FBXW11: variants seen among roughly 807,000 people sequenced by gnomAD.
FBXW11 encodes the protein F-box and WD repeat domain containing 11.
FBXW11 carries 19 observed loss-of-function variants against 77.6 expected under a neutral mutation model. That is an observed-to-expected ratio of 0.24 (90% CI 0.17 to 0.36). The LOEUF (loss-of-function observed/expected upper bound fraction) is 0.36. Among genes scored for constraint, FBXW11 ranks in the 10% least tolerant of loss-of-function variants. The pLI is 1.00. For missense variants in FBXW11, 334 were observed against 704.2 expected (o/e 0.47, Z 5.95); for synonymous variants, 235 against 249.4 (o/e 0.94, Z 0.54).
rs1757139543 is a variant in FBXW11, at chr5:171,862,300, T to A, written c.*1827A>T. On this transcript the variant is annotated 3_prime_UTR_variant, in exon 14 of 14. Coordinates refer to ENST00000517395, the MANE Select transcript of FBXW11 (RefSeq NM_001378974.1). ...CAACCTCTCAAAAACATAAATTAAT[T>A]TAGTAACATGGGAAGGAAGGATTTT... 1 of 152,512 alleles carries A rather than the reference T, an allele frequency of 6.6e-6. No individual in the cohort carries two copies. Among genetic ancestry groups the A allele is most frequent in the South Asian group, 2.1e-4 (1 of 4,814 alleles). The allele number at this position is 152,512 out of a possible 1,614,324, so 9.4% of individuals were successfully genotyped here. A position where few individuals can be genotyped will look rare whatever the true frequency, so the allele number is the denominator to read the frequency against.
At chr5:171,882,802 AT>A (rs1758610416) in intron 7 of FBXW11, among the ~76,000 whole-genome samples, 1 of 148,478 alleles carries the variant, frequency 6.7e-6, no homozygotes, top group Admixed American at 6.7e-5. Flanking sequence ...TTATTTTTTT[AT>A]TTTTCCATAA....
At chr5:171,972,419 T>A (rs1764584087) in intron 1 of FBXW11, among the ~76,000 whole-genome samples, 1 of 142,544 alleles carries the variant, frequency 7.0e-6, no homozygotes. Context: ...GAGGATCGCT[T>A]GAGCCCCGGA....
chr5:171,926,651 C>A lies in FBXW11; in HGVS notation c.148-12246G>T, dbSNP rs548520562. Among the ~76,000 whole-genome samples, 9 of 152,006 alleles carry A rather than the reference C, an allele frequency of 5.9e-5. No individual in the cohort carries two copies. The East Asian group carries it at 1.5e-3, about 26-fold the overall frequency. On this transcript the variant is annotated intron_variant, in intron 2 of 13. Coordinates refer to ENST00000517395, the MANE Select transcript of FBXW11 (RefSeq NM_001378974.1). ...TCTGCCATAATTGAAGCCAAGCAGA[C>A]GCTGCCATGCTTCCTATATAGCCTG...
At chr5:171,998,312 C>T (rs1193635895) in intron 1 of FBXW11, among the ~76,000 whole-genome samples, 2 of 138,606 alleles carry the variant, frequency 1.4e-5, no homozygotes, top group African/African-American at 6.1e-5. Context: ...TGCAATTCTA[C>T]AGCCCATGAT....
At chr5:171,967,883 T>TATATATATATATACAC (rs1244744249) in intron 1 of FBXW11, among the ~76,000 whole-genome samples, 2 of 74,972 alleles carry the variant, frequency 2.7e-5, no homozygotes, top group Admixed American at 1.4e-4. Flanking sequence ...TATATATATA[T>TATATATATATATACAC]ACACACACAC....
intron 10 of FBXW11, among the ~76,000 whole-genome samples, chr5:171,871,187 C>T (rs1581123175): frequency 6.6e-6 from 1 of 152,286 alleles, no homozygotes; most frequent in South Asian, 2.1e-4. Context: ...AATCCTTAGG[C>T]ATTCTCTTGA....
At chr5:171,879,102 G>A (rs1156558841) in intron 7 of FBXW11, among the ~76,000 whole-genome samples, 1 of 152,196 alleles carries the variant, frequency 6.6e-6, no homozygotes, top group African/African-American at 2.4e-5. Flanking sequence ...GAGGTAAAAT[G>A]TTGTGAACAG....
intron 4 of FBXW11, 26 bp from the exon 5 acceptor site, chr5:171,900,126 GA>G: frequency 6.4e-7 from 1 of 1,571,458 alleles, no homozygotes; most frequent in Non-Finnish European, 8.7e-7. Context: ...GGGAATGAAG[GA>G]ACGGGAAGAG....
At chr5:172,004,867 G>GCTCA (rs1554112093) in intron 1 of FBXW11, among the ~76,000 whole-genome samples, 1 of 149,334 alleles carries the variant, frequency 6.7e-6, no homozygotes. Context: ...AACCCCACGT[G>GCTCA]CACACACACA....
At chr5:171,935,082 C>G (rs1285677315) in intron 2 of FBXW11, among the ~76,000 whole-genome samples, 2 of 152,134 alleles carry the variant, frequency 1.3e-5, no homozygotes, top group African/African-American at 4.8e-5. Flanking sequence ...GACTCCCGAG[C>G]AGCTGGGACT....
chr5:171,962,316 G>A (rs1287111733), intron 1 of FBXW11, among the ~76,000 whole-genome samples: 1 of 152,154 alleles, frequency 6.6e-6, no homozygotes, highest in Non-Finnish European at 1.5e-5. Context: ...ATACTTAACA[G>A]AAGACTTTGG....
Position 172,006,466 on chromosome 5 carries a change from C to G in FBXW11, c.37G>C (p.Glu13Gln). Reference sequence around the variant, plus strand: ...CAGCGGGCCGCACTCACCATGAGCTCGATGGTCTTGTCCTCAATCACCGAG... The same window carrying G: ...CAGCGGGCCGCACTCACCATGAGCTGGATGGTCTTGTCCTCAATCACCGAG... The part of the protein sequence containing the change: ...PDSVIEDKTI[E>Q]LMCSVPRSLW... Residue 13 changes from glutamate to glutamine, a missense_variant, in exon 1 of 14, where the codon GAG becomes CAG. By Grantham distance (29) the Glu-to-Gln change is conservative. Around this residue, in one of 10 missense-constraint regions of FBXW11, gnomAD observed 80 missense variants for 105.1 expected, o/e 0.76. Coordinates refer to ENST00000517395, the MANE Select transcript of FBXW11 (RefSeq NM_001378974.1). 6.4e-7 allele frequency: 1 copy of G among 1,559,116 alleles called. No homozygotes were observed. The highest frequency in any genetic ancestry group is 8.7e-7 in the Non-Finnish European group (1 of 1,155,106).
intron 7 of FBXW11, among the ~76,000 whole-genome samples, chr5:171,884,434 T>C (rs936620824): frequency 7.9e-5 from 12 of 152,230 alleles, no homozygotes; most frequent in African/African-American, 2.9e-4. Context: ...GCTGTTTTGG[T>C]GACTATAAGC....
chr5:171,944,444 G>A (rs545044301), intron 2 of FBXW11, among the ~76,000 whole-genome samples: 5 of 151,150 alleles, frequency 3.3e-5, no homozygotes, highest in Admixed American at 2.6e-4. Context: ...ACGAGGTGGC[G>A]GGCGCCTGTA....
chr5:171,948,610 CAA>C (rs538990449), intron 2 of FBXW11, among the ~76,000 whole-genome samples: 1 of 151,800 alleles, frequency 6.6e-6, no homozygotes, highest in Non-Finnish European at 1.5e-5. Context: ...AAAAATCAAA[CAA>C]AAAAAGTTAT....
At chr5:171,940,203 C>T (rs1016659163) in intron 2 of FBXW11, among the ~76,000 whole-genome samples, 1 of 152,114 alleles carries the variant, frequency 6.6e-6, no homozygotes, top group Admixed American at 6.5e-5. Context: ...AGTCAGGTTT[C>T]TCACTGTTAG....
Position 171,869,835 on chromosome 5 carries a change from TG to T in FBXW11, c.1452-29del. 6.6e-7 allele frequency: 1 copy of T among 1,517,240 alleles called. No individual in the cohort carries two copies. The highest frequency in any genetic ancestry group is 9.1e-7 in the Non-Finnish European group (1 of 1,104,534). 94.0% of individuals were successfully genotyped at this position (1,517,240 alleles called of 1,614,324 possible). ...AGAAAGGAAAATGAGATGTGATTAG[TG>T]GAAAAGTGAACAATTTATATGCTGT... On this transcript the variant is annotated intron_variant, in intron 11 of 13. Transcript: ENST00000517395. This position sits in a 1 kb window ranked among gnomAD's most constrained non-coding sequence, Gnocchi z 4.1.
chr5:171,981,654 T>C (rs910243829), intron 1 of FBXW11, among the ~76,000 whole-genome samples: 4 of 152,160 alleles, frequency 2.6e-5, no homozygotes, highest in Non-Finnish European at 4.4e-5. Flanking sequence ...TATAGAAAAA[T>C]AGTTTGTTCC....
intron 2 of FBXW11, among the ~76,000 whole-genome samples, chr5:171,955,538 A>G (rs1763563265): frequency 6.6e-6 from 1 of 152,188 alleles, no homozygotes; most frequent in African/African-American, 2.4e-5. Context: ...CTGGAGGTAA[A>G]GGGGAGAAAT....
Sources: gnomAD v4.1 joint callset for allele counts (sites outside exome capture counted in the v4.1 genomes callset) on GRCh38, gnomAD v4.1.1 for gene constraint, gnomAD v4.1.1 regional missense constraint, Gnocchi (gnomAD v3.1) non-coding constraint, MANE v1.5 for transcripts, NCBI Gene and HGNC (gene_info 2026-07-23, HGNC 2026-07-21) for gene names.